WWOX: variants seen among roughly 807,000 people sequenced by gnomAD.
WWOX encodes WW domain-containing oxidoreductase.
In WWOX, 69 loss-of-function variants were observed where a neutral mutation model predicts 46.2. The ratio of observed to expected loss-of-function variants is 1.49; its 90% CI spans 1.23 to 1.82. WWOX has a LOEUF of 1.82. Among genes scored for constraint, WWOX ranks in the 40% most tolerant of loss-of-function variants. WWOX has a pLI of 0.00. For missense variants in WWOX, 919 were observed against 542.6 expected (o/e 1.69, Z -6.89); for synonymous variants, 359 against 202.6 (o/e 1.77, Z -6.56).
At chr16:79,117,105 C>A (rs2049532039) in intron 8 of WWOX, among the ~76,000 whole-genome samples, 1 of 152,032 alleles carries the variant, frequency 6.6e-6, no homozygotes, top group African/African-American at 2.4e-5. Flanking sequence ...GGCATGACTG[C>A]AGCTCAAATT....
chr16:78,871,821 T>C (rs934937405), intron 8 of WWOX, among the ~76,000 whole-genome samples: 35 of 152,178 alleles, frequency 2.3e-4, no homozygotes, highest in African/African-American at 8.4e-4. Context: ...CAGGCTGGTC[T>C]CAAACTCCTG....
At chr16:78,944,390 A>T (rs1482563465) in intron 8 of WWOX, among the ~76,000 whole-genome samples, 1 of 152,166 alleles carries the variant, frequency 6.6e-6, no homozygotes, top group Non-Finnish European at 1.5e-5. Context: ...TGCTCAAGAC[A>T]CGTTTGTTGC....
At chr16:78,515,743 A>G (rs2043221804) in intron 8 of WWOX, among the ~76,000 whole-genome samples, 1 of 152,172 alleles carries the variant, frequency 6.6e-6, no homozygotes, top group African/African-American at 2.4e-5. Flanking sequence ...CTGCGTGTTC[A>G]GCACTTCTGC....
intron 8 of WWOX, among the ~76,000 whole-genome samples, chr16:78,870,733 C>G (rs1481575155): frequency 6.6e-6 from 1 of 152,188 alleles, no homozygotes; most frequent in Admixed American, 6.5e-5. Flanking sequence ...TCCCAAGTAG[C>G]TGGGATTACA....
At chr16:78,621,245 A>C (rs1327389002) in intron 8 of WWOX, among the ~76,000 whole-genome samples, 1 of 152,166 alleles carries the variant, frequency 6.6e-6, no homozygotes, top group African/African-American at 2.4e-5. Context: ...GTGGAATTGT[A>C]CTTAACTGGC....
At chr16:79,160,756 A>C (rs2050469756) in intron 8 of WWOX, among the ~76,000 whole-genome samples, 1 of 152,182 alleles carries the variant, frequency 6.6e-6, no homozygotes, top group Non-Finnish European at 1.5e-5. Flanking sequence ...TGCAGATTAG[A>C]GAAAAAAATG....
At chr16:78,444,532 CTTT>C (rs749332062) in intron 8 of WWOX, among the ~76,000 whole-genome samples, 5 of 136,738 alleles carry the variant, frequency 3.7e-5, no homozygotes, top group Non-Finnish European at 3.2e-5. Flanking sequence ...AGGAGCAATT[CTTT>C]TTTTTTTTTT....
chr16:78,564,333 T>TG (rs1456103033), intron 8 of WWOX, among the ~76,000 whole-genome samples: 4 of 152,336 alleles, frequency 2.6e-5, no homozygotes, highest in African/African-American at 9.6e-5. Context: ...GCTGTAGGCC[T>TG]GGTATGCAGA....
chr16:78,536,601 C>T (rs1487910837), intron 8 of WWOX, among the ~76,000 whole-genome samples: 5 of 152,112 alleles, frequency 3.3e-5, no homozygotes, highest in Non-Finnish European at 5.9e-5. Context: ...TTTGAGCCTC[C>T]CCCATTAAGT....
intron 8 of WWOX, among the ~76,000 whole-genome samples, chr16:78,795,331 A>G (rs188718430): frequency 2.0e-5 from 3 of 152,020 alleles, no homozygotes; most frequent in Admixed American, 6.6e-5. Flanking sequence ...AGGCAGTCCA[A>G]CCCCCTGAAA....
chr16:79,207,425 C>G (rs187281683), intron 8 of WWOX, among the ~76,000 whole-genome samples: 12 of 152,352 alleles, frequency 7.9e-5, no homozygotes, highest in South Asian at 2.1e-4. Context: ...AAGGGCTGTT[C>G]TCCTTCCCTG....
At chr16:78,414,121 G>A (rs2082744248) in intron 6 of WWOX, among the ~76,000 whole-genome samples, 2 of 151,308 alleles carry the variant, frequency 1.3e-5, no homozygotes, top group East Asian at 2.0e-4. Flanking sequence ...CTCCCCCACC[G>A]AGCACCTTGT....
chr16:78,179,690 T>G lies in WWOX; in HGVS notation c.516+15401T>G, dbSNP rs535853021. The G allele has an allele frequency of 3.9e-5, 6 of 152,336 alleles. No homozygotes were observed. The East Asian group carries it at 9.6e-4, about 24-fold the overall frequency. 9.4% of individuals were successfully genotyped at this position (152,336 alleles called of 1,614,324 possible). ...GACAACACTATGAGATAGCTAATAT[T>G]ATGAATCCTATTTTCAGATGAAAGA... On this transcript the variant is annotated intron_variant, in intron 5 of 8. Coordinates refer to ENST00000566780, the MANE Select transcript of WWOX (RefSeq NM_016373.4).
Position 78,528,834 on chromosome 16 carries a change from A to G in WWOX, c.1056+96082A>G, listed in dbSNP as rs558170226. Among the ~76,000 whole-genome samples the G allele has an allele frequency of 2.6e-5, 4 of 152,042 alleles. No individual in the cohort carries two copies. In the East Asian group the frequency reaches 7.7e-4, roughly 29 times the overall value. ...ATTAAGGATTGGTAGAAATCAGGCA[A>G]CCTCTATGTAACCTCAGCCATCTTG... On this transcript the variant is annotated intron_variant, in intron 8 of 8. Coordinates refer to ENST00000566780, the MANE Select transcript of WWOX (RefSeq NM_016373.4).
chr16:78,991,600 CAA>C (rs57514915), intron 8 of WWOX, among the ~76,000 whole-genome samples: 1 of 78,166 alleles, frequency 1.3e-5, no homozygotes, highest in African/African-American at 4.9e-5. Context: ...GACCTTGTCT[CAA>C]AAAAAAAAAA....
chr16:78,634,829 AGAGAGAGAGTGTGTGTGTGT>A (rs1371058888), intron 8 of WWOX, among the ~76,000 whole-genome samples: 2 of 112,302 alleles, frequency 1.8e-5, no homozygotes, highest in Non-Finnish European at 3.8e-5. Context: ...AGAGAGAGAG[AGAGAGAGAGTGTGTGTGTGT>A]GTGTGTGTGT....
chr16:78,937,984 A>G (rs984765768), intron 8 of WWOX, among the ~76,000 whole-genome samples: 13 of 152,054 alleles, frequency 8.5e-5, no homozygotes, highest in Non-Finnish European at 1.8e-4. Flanking sequence ...TCCTCATCTG[A>G]CTTAGTTCTC....
At chr16:78,745,099 T>C (rs571712366) in intron 8 of WWOX, among the ~76,000 whole-genome samples, 1 of 152,216 alleles carries the variant, frequency 6.6e-6, no homozygotes, top group Non-Finnish European at 1.5e-5. Context: ...TAAAAAAAAC[T>C]GACTATAGGA....
At chr16:78,879,046 C>A (rs1006043562) in intron 8 of WWOX, among the ~76,000 whole-genome samples, 1 of 151,702 alleles carries the variant, frequency 6.6e-6, no homozygotes, top group Non-Finnish European at 1.5e-5. Flanking sequence ...CACCCTGGAT[C>A]TGGAAGGAAG....
Sources: gnomAD v4.1 joint callset for allele counts (sites outside exome capture counted in the v4.1 genomes callset) on GRCh38, gnomAD v4.1.1 for gene constraint, MANE v1.5 for transcripts, NCBI Gene and HGNC (gene_info 2026-07-23, HGNC 2026-07-21) for gene names.